Variants in RABL6 observed in about 807,000 individuals in gnomAD.
RABL6 encodes RAB, member RAS oncogene family like 6.
Under a neutral mutation model 72.9 loss-of-function variants are expected in RABL6, and 28 were observed. The ratio of observed to expected loss-of-function variants is 0.38; its 90% CI spans 0.28 to 0.53. RABL6 has a LOEUF of 0.53. RABL6 is among the 20% of genes least tolerant of loss of function. The pLI, the probability that RABL6 is intolerant of heterozygous loss-of-function variation, is 0.80. For synonymous variants in RABL6, 477 were observed against 421.2 expected, an observed-to-expected ratio of 1.13 and a Z score of -1.62; for missense variants, 1,029 against 1,008.4, an observed-to-expected ratio of 1.02 and a Z score of -0.28.
At chr9:136,832,027 C>T (rs908485419) in intron 6 of RABL6, 166 bp downstream of exon 6, 169 of 1,136,060 alleles carry the variant, frequency 1.5e-4, no homozygotes, top group Non-Finnish European at 2.0e-4. Flanking sequence ...TCCCCGATGG[C>T]AGGGCCGGGA....
rs1213390983 is a variant in RABL6 at position 136,826,005 on chromosome 9, C to G, written c.313+179C>G. Among the ~76,000 whole-genome samples the G allele has an allele frequency of 6.6e-6, 1 of 152,212 alleles. No individual in the cohort carries two copies. The highest frequency in any genetic ancestry group is 2.1e-4 in the South Asian group (1 of 4,826). ...GCGACCCCGCAGCGTGGCGCAGCCC[C>G]TCCTGTGGCACTGCATGCTTTGCTG... On this transcript the variant is annotated intron_variant, in intron 3 of 14. Coordinates refer to ENST00000311502, the MANE Select transcript of RABL6 (RefSeq NM_024718.5). This position sits in a 1 kb window ranked among gnomAD's most constrained non-coding sequence, Gnocchi z 4.9.
At position 136,833,574 on chromosome 9, in the gene RABL6, G is replaced by C. The variant is rs556632308; in HGVS notation, c.705+1204G>C. 7.3e-6 allele frequency: 8 copies of C among 1,088,462 alleles called. No individual in the cohort carries two copies. The Admixed American group carries it at 1.1e-4, about 15-fold the overall frequency. The allele number at this position is 1,088,462 out of a possible 1,614,324, so 67.4% of individuals were successfully genotyped here. ...AATCTCCTCACCCTGGGCTGCCCCAGCTGGGTCTGGGGACCTGAACCTCCT... is the reference window on the plus strand; with the variant it reads ...AATCTCCTCACCCTGGGCTGCCCCACCTGGGTCTGGGGACCTGAACCTCCT... On this transcript the variant is annotated intron_variant, in intron 7 of 14. Coordinates refer to ENST00000311502, the MANE Select transcript of RABL6 (RefSeq NM_024718.5).
intron 1 of RABL6, among the ~76,000 whole-genome samples, chr9:136,823,302 C>A (rs1381314275): frequency 2.0e-5 from 3 of 152,058 alleles, no homozygotes; most frequent in Admixed American, 6.5e-5. Context: ...GCCCGGTTCG[C>A]CGTTGATGCT....
intron 1 of RABL6, chr9:136,808,575 C>T (rs1847924620): frequency 8.5e-6 from 2 of 234,122 alleles, no homozygotes; most frequent in African/African-American, 2.3e-5. Flanking sequence ...GCGTGTCGCT[C>T]CCGCCGCGCT....
At chr9:136,836,094 G>A (rs1395259317) in intron 8 of RABL6, 2 of 416,724 alleles carry the variant, frequency 4.8e-6, no homozygotes, top group East Asian at 4.1e-5. Flanking sequence ...ACCGCTGACC[G>A]TGGCCAGGTG....
chr9:136,820,691 AAAAAT>A, intron 1 of RABL6, among the ~76,000 whole-genome samples: 1 of 152,336 alleles, frequency 6.6e-6, no homozygotes, highest in Non-Finnish European at 1.5e-5. Flanking sequence ...TTTAAAAAGC[AAAAAT>A]AAAATCAAAG....
intron 1 of RABL6, among the ~76,000 whole-genome samples, chr9:136,818,382 A>C (rs1262253368): frequency 5.6e-5 from 7 of 124,674 alleles, no homozygotes; most frequent in Admixed American, 2.3e-4. Flanking sequence ...AAAAAAAAAA[A>C]AAAAAAAAAA....
chr9:136,840,261 T>C, intron 14 of RABL6, 49 bp downstream of exon 14: 4 of 1,612,254 alleles, frequency 2.5e-6, no homozygotes, highest in Non-Finnish European at 3.4e-6. Flanking sequence ...TGGCATGCGG[T>C]CCTGGGACCA....
chr9:136,829,368 C>G (rs372992525), intron 4 of RABL6, 25 bp from the exon 5 acceptor site: 24 of 1,547,154 alleles, frequency 1.6e-5, no homozygotes, highest in Middle Eastern at 1.7e-4. Context: ...GGGCCAGTCT[C>G]ACACCTGTTC....
intron 8 of RABL6, chr9:136,836,145 G>C (rs1214409024): frequency 3.1e-6 from 1 of 324,558 alleles, no homozygotes; most frequent in African/African-American, 2.1e-5. Context: ...CTGCCCATCA[G>C]GGGCTTGGCC....
At chr9:136,831,351 C>G (rs1463336290) in intron 5 of RABL6, among the ~76,000 whole-genome samples, 3 of 152,142 alleles carry the variant, frequency 2.0e-5, no homozygotes, top group Admixed American at 6.5e-5. Flanking sequence ...GCCACAGGGT[C>G]GACACCAAGG....
chr9:136,822,069 A>T (rs1848249597), intron 1 of RABL6: 1 of 1,289,244 alleles, frequency 7.8e-7, no homozygotes, highest in Non-Finnish European at 1.0e-6. Flanking sequence ...GCCTTGAGGT[A>T]GAGGGAGGGG....
At chr9:136,834,393 A>C in intron 7 of RABL6, 4 of 988,674 alleles carry the variant, frequency 4.0e-6, no homozygotes, top group Non-Finnish European at 4.8e-6. Context: ...CAGAGTTCAC[A>C]CATTACATTT....
intron 2 of RABL6, among the ~76,000 whole-genome samples, chr9:136,825,229 C>T (rs377546214): frequency 1.6e-4 from 24 of 152,270 alleles, no homozygotes; most frequent in East Asian, 1.5e-3. Context: ...TCTGCTCCCT[C>T]AAAGTGAACT....
In RABL6 at chr9:136,839,086, A is replaced by G. The variant is rs1172084581; in HGVS notation, c.1458A>G (p.Pro486=). 2 of 1,612,284 alleles carry G rather than the reference A, an allele frequency of 1.2e-6. No homozygotes were observed. The highest frequency in any genetic ancestry group is 3.3e-5 in the Admixed American group (2 of 60,002). ...CAGCTCCCACAAAAGGCCCTGCCCC[A>G]GCTCCCCAGCAGTGCTCAGAGCCAG... The part of the protein sequence containing the change: ...EVAAPTKGPA[P]APQQCSEPET... Residue 486 remains proline, a synonymous_variant, in exon 11 of 15, where the codon CCA becomes CCG. Transcript: ENST00000311502.
Position 136,838,880 on chromosome 9 carries a change from C to A in RABL6, c.1281-29C>A, listed in dbSNP as rs751748199. On this transcript the variant is annotated intron_variant, in intron 10 of 14. Transcript: ENST00000311502. The stretch of plus-strand genomic sequence containing the variant: ...CGGCCAGCCATCCCTACCCCGTGGC[C>A]CTTGACCGCTTTGCCCCCTGCTTTG... The A allele has an allele frequency of 7.2e-6, 11 of 1,520,614 alleles. No individual in the cohort carries two copies. The East Asian group carries it at 2.6e-4, about 36-fold the overall frequency. The allele number at this position is 1,520,614 out of a possible 1,614,324, so 94.2% of individuals were successfully genotyped here.
intron 1 of RABL6, chr9:136,813,588 A>G: frequency 2.9e-6 from 1 of 343,690 alleles, no homozygotes. Flanking sequence ...ATCCTTGCTG[A>G]CTAATCCAAT....
chr9:136,828,930 G>A (rs938803004), intron 4 of RABL6, among the ~76,000 whole-genome samples: 1 of 152,162 alleles, frequency 6.6e-6, no homozygotes, highest in African/African-American at 2.4e-5. Flanking sequence ...ACCTGAGCCC[G>A]ACACACCCAG....
At chr9:136,827,521 G>A (rs940321421) in intron 3 of RABL6, 1 of 152,440 alleles carries the variant, frequency 6.6e-6, no homozygotes, top group Admixed American at 6.5e-5. Context: ...TCGCCCGGGG[G>A]GTGCTGGTTA....
Sources: allele counts gnomAD v4.1 joint callset (sites outside exome capture counted in the v4.1 genomes callset), GRCh38; gene constraint gnomAD v4.1.1; non-coding constraint Gnocchi (gnomAD v3.1); transcripts MANE v1.5; gene names NCBI Gene and HGNC (gene_info 2026-07-23, HGNC 2026-07-21).